OCLN: variants seen among roughly 807,000 people sequenced by gnomAD.
OCLN encodes the protein phosphatase 1, regulatory subunit 115.
In OCLN, 21 loss-of-function variants were observed where a neutral mutation model predicts 47.9. That is an observed-to-expected ratio of 0.44 (90% CI 0.31 to 0.63). The LOEUF is 0.63. Among genes scored for constraint, OCLN ranks in the 30% least tolerant of loss-of-function variants. The pLI, the probability that OCLN is intolerant of heterozygous loss-of-function variation, is 0.08. For missense variants in OCLN, 360 were observed against 571.0 expected (o/e 0.63, Z 3.77); for synonymous variants, 117 against 198.4 (o/e 0.59, Z 3.45).
At chr5:69,533,118 T>TATAC (rs1174324118) in intron 4 of OCLN, among the ~76,000 whole-genome samples, 36 of 145,416 alleles carry the variant, frequency 2.5e-4, no homozygotes, top group African/African-American at 8.2e-4. Context: ...CATATATATA[T>TATAC]ACACACACAC....
At chr5:69,521,911 T>G (rs910602988) in intron 4 of OCLN, among the ~76,000 whole-genome samples, 32 of 152,236 alleles carry the variant, frequency 2.1e-4, no homozygotes, top group African/African-American at 7.0e-4. Flanking sequence ...CTTTCCTGAC[T>G]AGAGTTTTTT....
At chr5:69,521,056 C>T (rs889023714) in intron 4 of OCLN, among the ~76,000 whole-genome samples, 1 of 151,942 alleles carries the variant, frequency 6.6e-6, no homozygotes, top group Non-Finnish European at 1.5e-5. Flanking sequence ...CCACGTTGGT[C>T]GAACTCCTGA....
chr5:69,505,242 C>T (rs1389796822), intron 2 of OCLN, among the ~76,000 whole-genome samples: 2 of 152,062 alleles, frequency 1.3e-5, no homozygotes, highest in African/African-American at 4.8e-5. Context: ...AAGAGCAAAA[C>T]TCCGTCTCAA....
chr5:69,509,848 C>T (rs1768730997), intron 3 of OCLN, 29 bp downstream of exon 3: 1 of 1,556,214 alleles, frequency 6.4e-7, no homozygotes, highest in South Asian at 1.1e-5. Flanking sequence ...GTTTTTTCTC[C>T]ATCTCCTTAG....
At chr5:69,529,675 C>T (rs1769377454) in intron 4 of OCLN, among the ~76,000 whole-genome samples, 1 of 152,088 alleles carries the variant, frequency 6.6e-6, no homozygotes, top group Non-Finnish European at 1.5e-5. Flanking sequence ...GCAATCTCGG[C>T]ACACTGCAAC....
rs541023834 is a variant in OCLN at position 69,519,436 on chromosome 5, G to A, written c.891+5327G>A. Among the ~76,000 whole-genome samples, 21 of 152,246 alleles carry A rather than the reference G, an allele frequency of 1.4e-4. No individual in the cohort carries two copies. In the South Asian group the frequency reaches 4.4e-3, roughly 32 times the overall value. On this transcript the variant is annotated intron_variant, in intron 4 of 8. Coordinates refer to ENST00000396442, the MANE Select transcript of OCLN (RefSeq NM_001205254.2). ...CTGTCCCTGTTGGCTCAACACAGTG[G>A]TTTCTCTGCCCTTCTTAGGGCTTTT...
intron 2 of OCLN, among the ~76,000 whole-genome samples, chr5:69,507,763 G>A (rs2111968802): frequency 6.6e-6 from 1 of 151,874 alleles, no homozygotes; most frequent in African/African-American, 2.4e-5. Context: ...ACACCACCAC[G>A]CCCAACTAGT....
Position 69,493,135 on chromosome 5 carries a change from C to T in OCLN, c.-69+235C>T, listed in dbSNP as rs1768187950. On this transcript the variant is annotated intron_variant, in intron 1 of 8. Coordinates refer to ENST00000396442, the MANE Select transcript of OCLN (RefSeq NM_001205254.2). This position sits in a 1 kb window ranked among gnomAD's most constrained non-coding sequence, Gnocchi z 5.3. Reference sequence around the variant, plus strand: ...GGGGCGAGGGGTGGCTTGGAGCCGCCGATCAAGCTTTATTCCGCGGAAACG... The same window carrying T: ...GGGGCGAGGGGTGGCTTGGAGCCGCTGATCAAGCTTTATTCCGCGGAAACG... Among the ~76,000 whole-genome samples, 1 of 152,122 alleles carries T rather than the reference C, an allele frequency of 6.6e-6. No homozygotes were observed. Among genetic ancestry groups the T allele is most frequent in the African/African-American group, 2.4e-5 (1 of 41,434 alleles).
Position 69,514,042 on chromosome 5 carries a change from A to T in OCLN, c.824A>T (p.Asp275Val). 5 of 1,614,076 alleles carry T rather than the reference A, an allele frequency of 3.1e-6. No individual in the cohort carries two copies. The highest frequency in any genetic ancestry group is 4.2e-6 in the Non-Finnish European group (5 of 1,179,918). Residue 275 changes from aspartate to valine, a missense_variant, in exon 4 of 9, where the codon GAC becomes GTC. Around this residue, in one of 3 missense-constraint regions of OCLN, gnomAD observed 314 missense variants for 368.1 expected, o/e 0.85. Transcript: ENST00000396442. ...ACTCGAAGAAAGATGGACAGGTATG[A>T]CAAGTCCAATATTTTGTGGGACAAG... ...VKTRRKMDRY[D>V]KSNILWDKEH... is the part of the protein sequence containing the mutation.
chr5:69,529,966 T>G (rs1222916487), intron 4 of OCLN, among the ~76,000 whole-genome samples: 3 of 152,204 alleles, frequency 2.0e-5, no homozygotes, highest in Non-Finnish European at 2.9e-5. Context: ...CTTAGAGATA[T>G]CCTCAAGTTA....
chr5:69,527,570 T>C (rs542039668), intron 4 of OCLN, among the ~76,000 whole-genome samples: 1 of 152,354 alleles, frequency 6.6e-6, no homozygotes, highest in African/African-American at 2.4e-5. Flanking sequence ...AGGCCAGTGC[T>C]TGTTTGGCTG....
intron 4 of OCLN, among the ~76,000 whole-genome samples, chr5:69,514,549 T>C (rs1768875381): frequency 6.6e-6 from 1 of 151,666 alleles, no homozygotes; most frequent in African/African-American, 2.4e-5. Context: ...TTTTTATTGA[T>C]CATTCTTGGG....
chr5:69,513,156 C>A (rs1451853877), intron 3 of OCLN, among the ~76,000 whole-genome samples: 1 of 152,180 alleles, frequency 6.6e-6, no homozygotes, highest in East Asian at 1.9e-4. Context: ...GTCAAGACAG[C>A]TGGAAGGAGA....
rs1768197479 is a variant in OCLN at position 69,493,369 on chromosome 5, C to A, written c.-69+469C>A. On this transcript the variant is annotated intron_variant, in intron 1 of 8. Transcript: ENST00000396442. This position sits in a 1 kb window ranked among gnomAD's most constrained non-coding sequence, Gnocchi z 5.3. Reference sequence around the variant, plus strand: ...GTTCGGCGGCCCGGGCGGCTTAGATCCCGGGGGGAATTTCATTCCTTCCGC... The same window carrying A: ...GTTCGGCGGCCCGGGCGGCTTAGATACCGGGGGGAATTTCATTCCTTCCGC... Among the ~76,000 whole-genome samples, 1 of 151,964 alleles carries A rather than the reference C, an allele frequency of 6.6e-6. No individual in the cohort carries two copies. Among genetic ancestry groups the A allele is most frequent in the Non-Finnish European group, 1.5e-5 (1 of 68,002 alleles).
At chr5:69,502,100 G>A (rs973674154) in intron 1 of OCLN, among the ~76,000 whole-genome samples, 1 of 152,058 alleles carries the variant, frequency 6.6e-6, no homozygotes, top group African/African-American at 2.4e-5. Flanking sequence ...TCGGGAGGCT[G>A]AGGCAGGAGA....
At chr5:69,527,386 A>C (rs1350368329) in intron 4 of OCLN, among the ~76,000 whole-genome samples, 1 of 152,234 alleles carries the variant, frequency 6.6e-6, no homozygotes, top group African/African-American at 2.4e-5. Flanking sequence ...AAAGTTACTG[A>C]AATCAGTTTC....
chr5:69,526,157 C>T (rs1769272584), intron 4 of OCLN, among the ~76,000 whole-genome samples: 1 of 152,188 alleles, frequency 6.6e-6, no homozygotes, highest in African/African-American at 2.4e-5. Context: ...CACTCACTCC[C>T]ACCCTGGAGT....
chr5:69,495,526 G>T (rs1033696643), intron 1 of OCLN, among the ~76,000 whole-genome samples: 8 of 152,194 alleles, frequency 5.3e-5, no homozygotes, highest in African/African-American at 1.7e-4. Context: ...TGAGTGTTGT[G>T]TGAAGAACTT....
intron 1 of OCLN, among the ~76,000 whole-genome samples, chr5:69,494,580 T>C (rs1380967548): frequency 1.3e-5 from 2 of 152,198 alleles, no homozygotes; most frequent in Non-Finnish European, 2.9e-5. Flanking sequence ...CACTTTTTTT[T>C]TGGTCGTTTT....
Sources: allele counts gnomAD v4.1 joint callset (sites outside exome capture counted in the v4.1 genomes callset), GRCh38; gene constraint gnomAD v4.1.1; regional missense constraint gnomAD v4.1.1; non-coding constraint Gnocchi (gnomAD v3.1); transcripts MANE v1.5; gene names NCBI Gene and HGNC (gene_info 2026-07-23, HGNC 2026-07-21).